Variants in ACVRL1 observed in about 807,000 individuals in gnomAD.
ACVRL1 encodes activin A receptor like type 1, also known as activin receptor type-1-like.
Under a neutral mutation model 51.9 loss-of-function variants are expected in ACVRL1, and 20 were observed. The observed-to-expected ratio is 0.39, with a 90% CI of 0.27 to 0.56. The LOEUF is 0.56. Ranked by LOEUF, ACVRL1 falls within the 20% of genes least tolerant of loss-of-function variation. The pLI is 0.67. For missense variants in ACVRL1, 451 were observed against 670.3 expected, an observed-to-expected ratio of 0.67 and a Z score of 3.61; for synonymous variants, 288 against 280.9, an observed-to-expected ratio of 1.03 and a Z score of -0.25.
At position 51,915,368 on chromosome 12, in the gene ACVRL1, G is replaced by T. The variant is rs1940807179; in HGVS notation, c.916G>T (p.Ala306Ser). Reference protein sequence around the residue: ...PHLALRLAVSAACGLAHLHVE... With the variant: ...PHLALRLAVSSACGLAHLHVE... ...TCTGGCTCTGAGGCTAGCTGTGTCC[G>T]CGGCATGCGGCCTGGCGCACCTGCA... Residue 306 changes from alanine (A) to serine (S), a missense_variant, in exon 7 of 10, where the codon GCG becomes TCG. Around this residue, in one of 2 missense-constraint regions of ACVRL1, gnomAD observed 259 missense variants for 453.4 expected, o/e 0.57. Coordinates refer to ENST00000388922, the MANE Select transcript of ACVRL1 (RefSeq NM_000020.3). 1.9e-6 allele frequency: 3 copies of T among 1,613,962 alleles called. No individual in the cohort carries two copies. The African/African-American group carries it at 4.0e-5, about 22-fold the overall frequency.
chr12:51,915,472 C>T lies in ACVRL1; in HGVS notation c.1020C>T (p.Ser340=). 6.2e-7 allele frequency: 1 copy of T among 1,611,810 alleles called. No homozygotes were observed. ...AGAGCCGCAATGTGCTGGTCAAGAG[C>T]AACCTGCAGTGTTGCATCGCCGACC... The part of the protein sequence containing the change: ...DFKSRNVLVK[S]NLQCCIADLG... The change falls in exon 7 of 10, where the codon AGC becomes AGT. Residue 340 remains serine (S), a synonymous_variant. Transcript: ENST00000388922.
chr12:51,910,060 G>A (rs1049206564), intron 1 of ACVRL1, among the ~76,000 whole-genome samples: 2 of 152,166 alleles, frequency 1.3e-5, no homozygotes, highest in African/African-American at 4.8e-5. Flanking sequence ...TGGACTGGTC[G>A]GGACTCAGCA....
intron 2 of ACVRL1, 129 bp from the exon 3 acceptor site, chr12:51,912,966 AAAGT>A (rs1940724775): frequency 7.5e-7 from 1 of 1,329,288 alleles, no homozygotes; most frequent in Non-Finnish European, 1.0e-6. Context: ...ACTGAGGATG[AAAGT>A]AAGAGACCAA....
chr12:51,913,488 C>A, intron 3 of ACVRL1, 71 bp from the exon 4 acceptor site: 1 of 1,539,860 alleles, frequency 6.5e-7, no homozygotes. Context: ...ATCTAACTGG[C>A]AGAGTGGTCT....
At chr12:51,912,289 A>C in intron 1 of ACVRL1, 181 bp from the exon 2 acceptor site, 2 of 687,952 alleles carry the variant, frequency 2.9e-6, no homozygotes, top group Non-Finnish European at 5.2e-6. Flanking sequence ...TCCATGGGGA[A>C]GTGAACCAGG....
chr12:51,913,494 G>T, intron 3 of ACVRL1, 65 bp from the exon 4 acceptor site: 1 of 1,543,432 alleles, frequency 6.5e-7, no homozygotes, highest in Non-Finnish European at 8.7e-7. Flanking sequence ...CTGGCAGAGT[G>T]GTCTGGCCCG....
intron 2 of ACVRL1, 88 bp from the exon 3 acceptor site, chr12:51,913,011 C>T (rs61914023): frequency 1.5e-5 from 23 of 1,537,754 alleles, no homozygotes; most frequent in Middle Eastern, 2.3e-4. Context: ...AGGGGTCAGA[C>T]GAGAGGGACA....
At position 51,913,727 on chromosome 12, in the gene ACVRL1, G is replaced by T; in HGVS notation, c.482G>T (p.Ser161Ile). 6.2e-7 allele frequency: 1 copy of T among 1,612,268 alleles called. No homozygotes were observed. Residue 161 changes from serine to isoleucine, a missense_variant, in exon 4 of 10, where the codon AGT becomes ATT. Transcript: ENST00000388922. ...CTGCACAGCGAGCTGGGAGAGTCCA[G>T]TCTCATCCTGAAAGCATCTGAGCAG... is the stretch of plus-strand genomic sequence containing the variant. ...RGLHSELGES[S>I]LILKASEQGD...
At chr12:51,912,354 C>G (rs1940708568) in intron 1 of ACVRL1, 116 bp from the exon 2 acceptor site, 1 of 1,182,898 alleles carries the variant, frequency 8.5e-7, no homozygotes, top group Non-Finnish European at 1.2e-6. Context: ...GGGAGGCGGC[C>G]TCCCTGCCTC....
chr12:51,913,504 G>T, intron 3 of ACVRL1, 55 bp from the exon 4 acceptor site: 1 of 1,557,208 alleles, frequency 6.4e-7, no homozygotes. Flanking sequence ...GGTCTGGCCC[G>T]AGGTGGGGGG....
intron 1 of ACVRL1, 188 bp from the exon 2 acceptor site, chr12:51,912,282 A>C (rs2139061841): frequency 2.9e-6 from 2 of 678,690 alleles, no homozygotes; most frequent in Non-Finnish European, 5.3e-6. Context: ...GATGGTTTCC[A>C]TGGGGAAGTG....
chr12:51,916,640 T>C (rs1040883566), intron 8 of ACVRL1, among the ~76,000 whole-genome samples: 1 of 152,252 alleles, frequency 6.6e-6, no homozygotes, highest in Non-Finnish European at 1.5e-5. Flanking sequence ...GATCTTGCCA[T>C]GACCGTGCGT....
At chr12:51,911,541 C>T (rs1190425737) in intron 1 of ACVRL1, among the ~76,000 whole-genome samples, 1 of 152,188 alleles carries the variant, frequency 6.6e-6, no homozygotes, top group Non-Finnish European at 1.5e-5. Context: ...CATGACCCTG[C>T]CCCGTCCGAG....
At chr12:51,918,173 C>G (rs1368267810) in intron 8 of ACVRL1, among the ~76,000 whole-genome samples, 2 of 152,154 alleles carry the variant, frequency 1.3e-5, no homozygotes, top group Non-Finnish European at 2.9e-5. Context: ...ACTTGGGATA[C>G]CAAGAGGAGG....
In ACVRL1 at chr12:51,919,031, T is replaced by C. The variant is rs760663685; in HGVS notation, c.1293T>C (p.Asn431=). ...CACCCTTCTATGATGTGGTGCCCAA[T>C]GACCCCAGCTTTGAGGACATGAAGA... The part of the protein sequence containing the change: ...YRPPFYDVVP[N]DPSFEDMKKV... The change falls in exon 9 of 10, where the codon AAT becomes AAC. Residue 431 remains asparagine (N), a synonymous_variant. Coordinates refer to ENST00000388922, the MANE Select transcript of ACVRL1 (RefSeq NM_000020.3). 3 of 1,614,166 alleles carry C rather than the reference T, an allele frequency of 1.9e-6. No individual in the cohort carries two copies. The highest frequency in any genetic ancestry group is 2.5e-6 in the Non-Finnish European group (3 of 1,180,016).
At position 51,916,179 on chromosome 12, in the gene ACVRL1, A is replaced by G. The variant is rs758384953; in HGVS notation, c.1192A>G (p.Ile398Val). Residue 398 changes from isoleucine to valine, a missense_variant, in exon 8 of 10, where the codon ATC becomes GTC. Physicochemically the swap from Ile to Val is conservative, Grantham distance 29. Coordinates refer to ENST00000388922, the MANE Select transcript of ACVRL1 (RefSeq NM_000020.3). ...CTTTGAGTCCTACAAGTGGACTGAC[A>G]TCTGGGCCTTTGGCCTGGTGCTGTG... ...DCFESYKWTDIWAFGLVLWEI... is the reference protein window; with the variant it reads ...DCFESYKWTDVWAFGLVLWEI... The G allele has an allele frequency of 9.9e-6, 16 of 1,614,058 alleles. No homozygotes were observed. In the Admixed American group the frequency reaches 1.8e-4, roughly 18 times the overall value.
At chr12:51,918,838 A>C in intron 8 of ACVRL1, 147 bp from the exon 9 acceptor site, 1 of 1,081,256 alleles carries the variant, frequency 9.2e-7, no homozygotes, top group South Asian at 1.3e-5. Context: ...AAACACATTT[A>C]TTGCATTATA....
At chr12:51,913,537 C>T (rs1320233891) in intron 3 of ACVRL1, 22 bp from the exon 4 acceptor site, 1 of 1,590,214 alleles carries the variant, frequency 6.3e-7, no homozygotes, top group South Asian at 1.1e-5. Flanking sequence ...GGAAGCTGAG[C>T]CTCAGTGTCC....
chr12:51,920,727 C>T, intron 9 of ACVRL1, 32 bp from the exon 10 acceptor site: 3 of 1,611,946 alleles, frequency 1.9e-6, no homozygotes, highest in Non-Finnish European at 2.5e-6. Context: ...CTCTCTGCCT[C>T]CTCTCCTCTG....
Sources: allele counts gnomAD v4.1 joint callset (sites outside exome capture counted in the v4.1 genomes callset), GRCh38; gene constraint gnomAD v4.1.1; regional missense constraint gnomAD v4.1.1; transcripts MANE v1.5; gene names NCBI Gene and HGNC (gene_info 2026-07-23, HGNC 2026-07-21).